PTPN1: variants seen among roughly 807,000 people sequenced by gnomAD.
PTPN1 encodes tyrosine-protein phosphatase non-receptor type 1.
Under a neutral mutation model 59.9 loss-of-function variants are expected in PTPN1, and 12 were observed. The ratio of observed to expected loss-of-function variants is 0.20; its 90% CI spans 0.13 to 0.32. The LOEUF is 0.32. Ranked by LOEUF, PTPN1 falls within the 10% of genes least tolerant of loss-of-function variation. PTPN1 has a pLI of 1.00. For missense variants in PTPN1, 356 were observed against 549.2 expected (o/e 0.65, Z 3.52); for synonymous variants, 178 against 203.6 (o/e 0.87, Z 1.07).
At chr20:50,571,866 A>AG (rs1178869624) in intron 4 of PTPN1, 1 of 152,172 alleles carries the variant, frequency 6.6e-6, no homozygotes, top group Non-Finnish European at 1.5e-5. Flanking sequence ...TCTCACCCGT[A>AG]TCTCCCTCCT....
chr20:50,562,679 A>G (rs1347175330), intron 2 of PTPN1, among the ~76,000 whole-genome samples: 3 of 152,216 alleles, frequency 2.0e-5, no homozygotes, highest in Non-Finnish European at 2.9e-5. Context: ...GCGCCAACAC[A>G]TGGTACTCTT....
rs185041837 is a variant in PTPN1, at chr20:50,579,577, C to A, written c.865-126C>A. 3.2e-6 allele frequency: 3 copies of A among 939,452 alleles called. No individual in the cohort carries two copies. The South Asian group carries it at 4.7e-5, about 15-fold the overall frequency. 58.2% of individuals were successfully genotyped at this position (939,452 alleles called of 1,614,324 possible). ...TTCAAAAGATTTCATCTTCCAAGTA[C>A]ATGGCTGCAGCCCTGAGAGGCCGAG... On this transcript the variant is annotated intron_variant, in intron 7 of 9. Transcript: ENST00000371621.
chr20:50,584,797 A>G lies in PTPN1; in HGVS notation c.*2082A>G, dbSNP rs2082891119. On this transcript the variant is annotated 3_prime_UTR_variant, in exon 10 of 10. Transcript: ENST00000371621. ...CTTCCCATTTTTTTCTTTGCTTAAT[A>G]GAGCTAAACCAGGATGAGTAACTCC... The G allele has an allele frequency of 6.6e-6, 1 of 152,216 alleles. No individual in the cohort carries two copies. Among genetic ancestry groups the G allele is most frequent in the Non-Finnish European group, 1.5e-5 (1 of 68,042 alleles). 9.4% of individuals were successfully genotyped at this position (152,216 alleles called of 1,614,324 possible).
rs868168581 is a variant in PTPN1, at chr20:50,582,289, C to T, written c.1285-403C>T. Among the ~76,000 whole-genome samples, 13 of 152,312 alleles carry T rather than the reference C, an allele frequency of 8.5e-5. No individual in the cohort carries two copies. In the South Asian group the frequency reaches 1.2e-3, roughly 15 times the overall value. On this transcript the variant is annotated intron_variant, in intron 9 of 9. Transcript: ENST00000371621. The surrounding 1 kb of genome is among the most constrained non-coding windows in gnomAD (Gnocchi z 4.2). ...CAGGGTGGCCATTGGCATGTCAACC[C>T]GCTGTTAATTCAGAGAAGTGGGCTC...
chr20:50,529,181 T>A (rs2082590344), intron 1 of PTPN1, among the ~76,000 whole-genome samples: 1 of 152,180 alleles, frequency 6.6e-6, no homozygotes, highest in African/African-American at 2.4e-5. Context: ...GGAGAGGTAG[T>A]TTCCCTGTGG....
Position 50,526,230 on chromosome 20 carries a change from AATTT to A in PTPN1, c.63+15642_63+15645del, listed in dbSNP as rs376135582. The stretch of plus-strand genomic sequence containing the variant: ...TTGCTTGCCTTCTGTTGTTGTATTT[AATTT>A]AATTTTATTTTTAATGATTTTTTTG... On this transcript the variant is annotated intron_variant, in intron 1 of 9. Transcript: ENST00000371621. Among the ~76,000 whole-genome samples the A allele has an allele frequency of 3.8e-3, 571 of 152,024 alleles. 1 individual carries two copies. Among genetic ancestry groups the A allele is most frequent in the African/African-American group, 0.013 (554 of 41,468 alleles).
At chr20:50,581,148 A>G in intron 8 of PTPN1, 117 bp from the exon 9 acceptor site, 6 of 1,437,768 alleles carry the variant, frequency 4.2e-6, no homozygotes, top group Non-Finnish European at 5.5e-6. Flanking sequence ...GGTTAACATC[A>G]TCCAACTCTG....
intron 2 of PTPN1, among the ~76,000 whole-genome samples, chr20:50,561,854 G>A (rs190791862): frequency 6.6e-6 from 1 of 152,282 alleles, no homozygotes; most frequent in East Asian, 1.9e-4. Flanking sequence ...TTCGGGGTGG[G>A]CACTGTCGTC....
In PTPN1 at chr20:50,583,076, C is replaced by A. The variant is rs939005519; in HGVS notation, c.*361C>A. 6.3e-5 allele frequency: 19 copies of A among 301,892 alleles called. No homozygotes were observed. Among genetic ancestry groups the A allele is most frequent in the Non-Finnish European group, 9.3e-5 (15 of 161,968 alleles). The allele number at this position is 301,892 out of a possible 1,614,324, so 18.7% of individuals were successfully genotyped here. A position where few individuals can be genotyped will look rare whatever the true frequency, so the allele number is the denominator to read the frequency against. On this transcript the variant is annotated 3_prime_UTR_variant, in exon 10 of 10. Coordinates refer to ENST00000371621, the MANE Select transcript of PTPN1 (RefSeq NM_002827.4). ...GGCGGGCGGCACGCCAACAGCCCCCCCCTTGAATCTGCAGGGAGCAACTCT... is the reference window on the plus strand; with the variant it reads ...GGCGGGCGGCACGCCAACAGCCCCCACCTTGAATCTGCAGGGAGCAACTCT...
chr20:50,579,656 C>A, intron 7 of PTPN1, 47 bp from the exon 8 acceptor site: 1 of 1,541,028 alleles, frequency 6.5e-7, no homozygotes, highest in Non-Finnish European at 8.9e-7. Context: ...CCTGACAAAC[C>A]AGCCGAAGTG....
chr20:50,548,439 T>A (rs895096984), intron 1 of PTPN1, among the ~76,000 whole-genome samples: 1 of 152,116 alleles, frequency 6.6e-6, no homozygotes, highest in African/African-American at 2.4e-5. Flanking sequence ...CTTTTTTTTT[T>A]TTATTGAGAC....
chr20:50,566,929 T>A (rs2082781960), intron 3 of PTPN1, among the ~76,000 whole-genome samples: 1 of 152,196 alleles, frequency 6.6e-6, no homozygotes, highest in Non-Finnish European at 1.5e-5. Context: ...GATTTCTGGC[T>A]GCCAAGAGCT....
At chr20:50,552,088 A>T (rs1029335159) in intron 1 of PTPN1, among the ~76,000 whole-genome samples, 2 of 152,080 alleles carry the variant, frequency 1.3e-5, no homozygotes, top group African/African-American at 4.8e-5. Flanking sequence ...GCTGTTGGAA[A>T]CGTAGCTCCC....
At chr20:50,551,124 T>C (rs1291573309) in intron 1 of PTPN1, among the ~76,000 whole-genome samples, 1 of 152,204 alleles carries the variant, frequency 6.6e-6, no homozygotes, top group Non-Finnish European at 1.5e-5. Context: ...AATATAAAAA[T>C]TAATTAACTC....
chr20:50,553,078 A>G (rs1324306928), intron 1 of PTPN1, among the ~76,000 whole-genome samples: 1 of 151,960 alleles, frequency 6.6e-6, no homozygotes, highest in Admixed American at 6.5e-5. Context: ...ATAGAAGGTA[A>G]ATTCTATAAA....
intron 1 of PTPN1, among the ~76,000 whole-genome samples, chr20:50,535,036 A>T (rs1299757624): frequency 6.6e-6 from 1 of 151,854 alleles, no homozygotes; most frequent in Non-Finnish European, 1.5e-5. Flanking sequence ...GCCCAATTTT[A>T]TTCTTGGGAT....
intron 2 of PTPN1, 127 bp from the exon 3 acceptor site, chr20:50,564,842 A>G: frequency 2.8e-6 from 4 of 1,419,862 alleles, no homozygotes; most frequent in Non-Finnish European, 3.8e-6. Flanking sequence ...CAACTAAAAC[A>G]GGGCTTCAGC....
At chr20:50,576,712 CAA>C (rs760227658) in intron 5 of PTPN1, among the ~76,000 whole-genome samples, 7 of 134,670 alleles carry the variant, frequency 5.2e-5, no homozygotes, top group East Asian at 2.1e-4. Flanking sequence ...ACTAAAAATA[CAA>C]AAAAAAAAAA....
At chr20:50,561,281 C>G in intron 1 of PTPN1, 82 bp from the exon 2 acceptor site, 2 of 1,070,894 alleles carry the variant, frequency 1.9e-6, no homozygotes, top group Non-Finnish European at 2.8e-6. Context: ...CCATATTGCC[C>G]GGCTCTCTTT....
Sources: allele counts gnomAD v4.1 joint callset (sites outside exome capture counted in the v4.1 genomes callset), GRCh38; gene constraint gnomAD v4.1.1; non-coding constraint Gnocchi (gnomAD v3.1); transcripts MANE v1.5; gene names NCBI Gene and HGNC (gene_info 2026-07-23, HGNC 2026-07-21).